HNRNPF: variants seen among roughly 807,000 people sequenced by gnomAD.
The protein encoded by HNRNPF is HnRNP F protein.
In HNRNPF, 2 loss-of-function variants were observed where a neutral mutation model predicts 26.0. That is an observed-to-expected ratio of 0.08 (90% CI 0.03 to 0.24). HNRNPF has a LOEUF of 0.24. Among genes scored for constraint, HNRNPF ranks in the 10% least tolerant of loss-of-function variants. The probability of loss-of-function intolerance (pLI) is 1.00; values close to 1 mark genes in which losing one functional copy is unlikely to be tolerated. For missense variants in HNRNPF, 299 were observed against 539.2 expected (o/e 0.55, Z 4.41); for synonymous variants, 234 against 211.5 (o/e 1.11, Z -0.92).
rs1272577776 is a variant in HNRNPF, at chr10:43,387,036, C to T, written c.849G>A (p.Val283=). ...DHRYGDSEFT[V]QSTTGHCVHM... is the part of the protein sequence containing the mutation. ...GGACACAGTGGCCTGTGGTGCTCTG[C>T]ACTGTGAACTCACTGTCGCCGTATC... The change falls in exon 4 of 4, where the codon GTG becomes GTA. Residue 283 remains valine (V), a synonymous_variant. Coordinates refer to ENST00000682386, the MANE Select transcript of HNRNPF (RefSeq NM_001098204.2). This position sits in a 1 kb window ranked among gnomAD's most constrained non-coding sequence, Gnocchi z 6.0. 1 of 1,613,460 alleles carries T rather than the reference C, an allele frequency of 6.2e-7. No individual in the cohort carries two copies. The highest frequency in any genetic ancestry group is 2.2e-5 in the East Asian group (1 of 44,872).
At chr10:43,388,318 T>G (rs577030925) in intron 3 of HNRNPF, among the ~76,000 whole-genome samples, 3 of 152,198 alleles carry the variant, frequency 2.0e-5, no homozygotes, top group Non-Finnish European at 4.4e-5. Flanking sequence ...AATAGTAAAT[T>G]TAGTAAATCT....
At chr10:43,404,145 C>T (rs1838837891) in intron 1 of HNRNPF, among the ~76,000 whole-genome samples, 1 of 151,272 alleles carries the variant, frequency 6.6e-6, no homozygotes, top group South Asian at 2.1e-4. Flanking sequence ...GCCACTCCAC[C>T]ATCTCTACTA....
chr10:43,401,037 G>A (rs1588998377), intron 1 of HNRNPF, among the ~76,000 whole-genome samples: 3 of 151,804 alleles, frequency 2.0e-5, no homozygotes, highest in East Asian at 1.9e-4. Flanking sequence ...AGCCCAGATC[G>A]CACCACTGCA....
rs1838800556 is a variant in HNRNPF at position 43,403,020 on chromosome 10, G to T, written c.-247+6111C>A. Among the ~76,000 whole-genome samples, 3 of 151,924 alleles carry T rather than the reference G, an allele frequency of 2.0e-5. No homozygotes were observed. The South Asian group carries it at 6.2e-4, about 32-fold the overall frequency. ...TCATACCTGGCTAATTAAAAATTCT[G>T]TTTTTGAAAAGATAGGGTCTTGCCA... On this transcript the variant is annotated intron_variant, in intron 1 of 3. Coordinates refer to ENST00000682386, the MANE Select transcript of HNRNPF (RefSeq NM_001098204.2).
Position 43,404,687 on chromosome 10 carries a change from G to A in HNRNPF, c.-247+4444C>T, listed in dbSNP as rs562886207. Among the ~76,000 whole-genome samples the A allele has an allele frequency of 5.9e-5, 9 of 152,034 alleles. 1 individual carries two copies. The highest frequency in any genetic ancestry group is 3.9e-4 in the East Asian group (2 of 5,176). ...AGCCTGACCAACAAGTTGATACTCC[G>A]TCTCTACTAAAAATACCCCTGTAAT... On this transcript the variant is annotated intron_variant, in intron 1 of 3. Transcript: ENST00000682386.
intron 1 of HNRNPF, chr10:43,397,407 A>T (rs1838588240): frequency 6.6e-6 from 1 of 152,176 alleles, no homozygotes; most frequent in South Asian, 2.1e-4. Context: ...GGGGAAGGAG[A>T]GAGTCAGGGC....
intron 1 of HNRNPF, among the ~76,000 whole-genome samples, chr10:43,399,651 ATG>A (rs1838690483): frequency 6.6e-6 from 1 of 152,222 alleles, no homozygotes; most frequent in South Asian, 2.1e-4. Context: ...GAAGAGATAC[ATG>A]GAGACAAGAT....
intron 1 of HNRNPF, among the ~76,000 whole-genome samples, chr10:43,406,633 A>C (rs571946565): frequency 6.6e-6 from 1 of 151,738 alleles, no homozygotes; most frequent in African/African-American, 2.4e-5. Flanking sequence ...GGATCTCGGC[A>C]GCGAGCCGAG....
chr10:43,403,310 C>T (rs1463144776), intron 1 of HNRNPF, among the ~76,000 whole-genome samples: 1 of 152,154 alleles, frequency 6.6e-6, no homozygotes, highest in Non-Finnish European at 1.5e-5. Flanking sequence ...CCCGCCCAGC[C>T]TGTGTCATTT....
chr10:43,396,765 A>G (rs1838540873), intron 1 of HNRNPF, 175 bp from the exon 2 acceptor site: 1 of 151,668 alleles, frequency 6.6e-6, no homozygotes, highest in African/African-American at 2.4e-5. Context: ...GCCCGGCAGG[A>G]AGGTCGGCCC....
chr10:43,390,498 C>A (rs1328404356), intron 3 of HNRNPF, among the ~76,000 whole-genome samples: 1 of 152,200 alleles, frequency 6.6e-6, no homozygotes, highest in Non-Finnish European at 1.5e-5. Flanking sequence ...GAAACCCCAC[C>A]TAATCACATC....
At position 43,396,476 on chromosome 10, in the gene HNRNPF, G is replaced by A. The variant is rs892281771; in HGVS notation, c.-132C>T. 2.0e-5 allele frequency: 3 copies of A among 152,332 alleles called. No individual in the cohort carries two copies. Among genetic ancestry groups the A allele is most frequent in the African/African-American group, 4.8e-5 (2 of 41,466 alleles). 9.4% of individuals were successfully genotyped at this position (152,332 alleles called of 1,614,324 possible). A position where few individuals can be genotyped will look rare whatever the true frequency, so the allele number is the denominator to read the frequency against. ...CTTACCACGGAGGCGAGCAGGACTG[G>A]TTTCTGTTGCTACCAGGCAAGCGCG... On this transcript the variant is annotated 5_prime_UTR_variant, in exon 2 of 4. Coordinates refer to ENST00000682386, the MANE Select transcript of HNRNPF (RefSeq NM_001098204.2).
chr10:43,394,258 C>T (rs1838370559), intron 3 of HNRNPF, among the ~76,000 whole-genome samples: 1 of 152,216 alleles, frequency 6.6e-6, no homozygotes, highest in South Asian at 2.1e-4. Context: ...AAAATAAAAA[C>T]ATTTCATAGA....
chr10:43,399,701 G>A (rs1838692348), intron 1 of HNRNPF, among the ~76,000 whole-genome samples: 1 of 152,206 alleles, frequency 6.6e-6, no homozygotes, highest in African/African-American at 2.4e-5. Flanking sequence ...ACTGGTGGGA[G>A]AAGAATGTGA....
At chr10:43,389,905 A>C (rs991395666) in intron 3 of HNRNPF, among the ~76,000 whole-genome samples, 1 of 152,226 alleles carries the variant, frequency 6.6e-6, no homozygotes, top group African/African-American at 2.4e-5. Context: ...CTATGTACAT[A>C]AACTCCATCA....
At chr10:43,402,986 T>C (rs1838799524) in intron 1 of HNRNPF, among the ~76,000 whole-genome samples, 1 of 152,074 alleles carries the variant, frequency 6.6e-6, no homozygotes, top group African/African-American at 2.4e-5. Context: ...TCTTTACAAG[T>C]GTTCGCTATC....
At chr10:43,392,263 G>A (rs1442149209) in intron 3 of HNRNPF, among the ~76,000 whole-genome samples, 5 of 152,112 alleles carry the variant, frequency 3.3e-5, no homozygotes, top group Non-Finnish European at 7.3e-5. Context: ...AAAATTGGCC[G>A]GGCACAGTGC....
chr10:43,387,762 T>C lies in HNRNPF; in HGVS notation c.123A>G (p.Ala41=), dbSNP rs147536435. The change falls in exon 4 of 4, where the codon GCA becomes GCG. Residue 41 remains alanine (A), a synonymous_variant. Coordinates refer to ENST00000682386, the MANE Select transcript of HNRNPF (RefSeq NM_001098204.2). The surrounding 1 kb of genome is among the most constrained non-coding windows in gnomAD (Gnocchi z 6.0). ...LSDCTIHDGA[A]GVHFIYTREG... is the part of the protein sequence containing the mutation. ...CTCTAGTGTAGATGAAATGGACACC[T>C]GCGGCCCCATCATGAATCGTGCAGT... The C allele has an allele frequency of 1.2e-6, 2 of 1,613,466 alleles. No individual in the cohort carries two copies. The highest frequency in any genetic ancestry group is 2.7e-5 in the African/African-American group (2 of 74,686).
rs2131956493 is a variant in HNRNPF at position 43,386,438 on chromosome 10, T to C, written c.*199A>G. 2 of 520,038 alleles carry C rather than the reference T, an allele frequency of 3.8e-6. No individual in the cohort carries two copies. The highest frequency in any genetic ancestry group is 1.9e-5 in the African/African-American group (1 of 51,642). The allele number at this position is 520,038 out of a possible 1,614,324, so 32.2% of individuals were successfully genotyped here. ...AATGTTAATTGAGAAAAGCTGAAAATAGTTTTAGTTTACTCATTATCACAT... is the reference window on the plus strand; with the variant it reads ...AATGTTAATTGAGAAAAGCTGAAAACAGTTTTAGTTTACTCATTATCACAT... On this transcript the variant is annotated 3_prime_UTR_variant, in exon 4 of 4. Coordinates refer to ENST00000682386, the MANE Select transcript of HNRNPF (RefSeq NM_001098204.2).
Sources: gnomAD v4.1 joint callset for allele counts (sites outside exome capture counted in the v4.1 genomes callset) on GRCh38, gnomAD v4.1.1 for gene constraint, Gnocchi (gnomAD v3.1) non-coding constraint, MANE v1.5 for transcripts, NCBI Gene and HGNC (gene_info 2026-07-23, HGNC 2026-07-21) for gene names.